ZDHHC20: variants seen among roughly 807,000 people sequenced by gnomAD.
ZDHHC20 encodes the protein zDHHC palmitoyltransferase 20, also known as palmitoyltransferase ZDHHC20.
A neutral mutation model predicts 57.8 loss-of-function variants in ZDHHC20; 43 were observed. The observed-to-expected ratio is 0.74, with a 90% CI of 0.58 to 0.96. ZDHHC20 has a LOEUF of 0.96. Ranked by LOEUF, ZDHHC20 falls within the 40% of genes least tolerant of loss-of-function variation. The probability of loss-of-function intolerance (pLI) is 0.00; values close to 1 mark genes in which losing one functional copy is unlikely to be tolerated. For missense variants in ZDHHC20, 391 were observed against 441.1 expected, an observed-to-expected ratio of 0.89 and a Z score of 1.02; for synonymous variants, 157 against 153.0, an observed-to-expected ratio of 1.03 and a Z score of -0.19.
At chr13:21,402,974 A>G (rs1214577715) in intron 4 of ZDHHC20, 108 bp from the exon 5 acceptor site, 5 of 780,016 alleles carry the variant, frequency 6.4e-6, no homozygotes, top group African/African-American at 1.7e-5. Context: ...TTGATAACTA[A>G]TAATTTTAAA....
intron 7 of ZDHHC20, among the ~76,000 whole-genome samples, chr13:21,394,126 CCA>C (rs1287780425): frequency 2.6e-5 from 4 of 152,150 alleles, no homozygotes; most frequent in Non-Finnish European, 4.4e-5. Flanking sequence ...CTAGTAAAAG[CCA>C]CAGTCATTTC....
chr13:21,422,442 T>C (rs936750130), intron 2 of ZDHHC20, among the ~76,000 whole-genome samples: 6 of 152,172 alleles, frequency 3.9e-5, no homozygotes, highest in African/African-American at 7.2e-5. Context: ...GACAACCCTG[T>C]TGCAACCCAA....
chr13:21,449,947 A>G (rs1480794907), intron 1 of ZDHHC20, among the ~76,000 whole-genome samples: 1 of 152,100 alleles, frequency 6.6e-6, no homozygotes, highest in Non-Finnish European at 1.5e-5. Context: ...AAATTATTAT[A>G]GTCATGTTTT....
rs560537938 is a variant in ZDHHC20, at chr13:21,435,216, A to G, written c.119-9538T>C. Among the ~76,000 whole-genome samples, 194 of 151,888 alleles carry G rather than the reference A, an allele frequency of 1.3e-3. 4 individuals carry two copies. The South Asian group carries it at 0.038, about 30-fold the overall frequency. ...TTTCATTTTTTTTTTCCTGTGAAAC[A>G]TCTGCTTACTTTTTTGTTTGTTTGT... On this transcript the variant is annotated intron_variant, in intron 1 of 12. Coordinates refer to ENST00000400590, the MANE Select transcript of ZDHHC20 (RefSeq NM_001330059.2).
intron 4 of ZDHHC20, among the ~76,000 whole-genome samples, chr13:21,410,025 T>C (rs1016374092): frequency 2.0e-5 from 3 of 152,244 alleles, no homozygotes; most frequent in African/African-American, 7.2e-5. Flanking sequence ...TGGATTTATC[T>C]ACCTTTGGTC....
At chr13:21,439,439 G>A (rs1036924734) in intron 1 of ZDHHC20, among the ~76,000 whole-genome samples, 12 of 152,084 alleles carry the variant, frequency 7.9e-5, no homozygotes, top group South Asian at 2.1e-4. Flanking sequence ...GGTCTAGGCT[G>A]CAGTGAGCCA....
intron 9 of ZDHHC20, among the ~76,000 whole-genome samples, chr13:21,383,943 G>A (rs1022012327): frequency 1.3e-5 from 2 of 151,866 alleles, no homozygotes; most frequent in Non-Finnish European, 2.9e-5. Flanking sequence ...TGGAATAACT[G>A]GTAAACTGTA....
intron 3 of ZDHHC20, among the ~76,000 whole-genome samples, chr13:21,416,203 C>CAAA (rs55796229): frequency 3.3e-4 from 24 of 71,708 alleles, no homozygotes; most frequent in African/African-American, 9.2e-4. Flanking sequence ...GACTCCATCT[C>CAAA]AAAAAAAAAA....
chr13:21,385,811 C>A (rs1593179146), intron 9 of ZDHHC20, among the ~76,000 whole-genome samples: 1 of 152,048 alleles, frequency 6.6e-6, no homozygotes, highest in Non-Finnish European at 1.5e-5. Context: ...CCTCATCAAA[C>A]CACTTAAAAT....
rs533257265 is a variant in ZDHHC20, at chr13:21,404,670, C to T, written c.371-1804G>A. On this transcript the variant is annotated intron_variant, in intron 4 of 12. Transcript: ENST00000400590. ...TCGGGAGGCTGAGGCAGGAGAATGG[C>T]GTGAACGCAGGAGGCGGAGCTTGCA... Among the ~76,000 whole-genome samples, 1,162 of 151,270 alleles carry T rather than the reference C, an allele frequency of 7.7e-3. 9 individuals are homozygous for T. Among genetic ancestry groups the T allele is most frequent in the Non-Finnish European group, 0.011 (772 of 67,944 alleles).
At chr13:21,404,949 T>C (rs1878242338) in intron 4 of ZDHHC20, among the ~76,000 whole-genome samples, 3 of 152,222 alleles carry the variant, frequency 2.0e-5, no homozygotes, top group Non-Finnish European at 4.4e-5. Context: ...TAGAAAGCTC[T>C]ATCCAGGTAA....
At chr13:21,428,774 C>A (rs1256620706) in intron 1 of ZDHHC20, among the ~76,000 whole-genome samples, 1 of 151,930 alleles carries the variant, frequency 6.6e-6, no homozygotes, top group African/African-American at 2.4e-5. Context: ...GCAGGAGAAT[C>A]GCCTGAACCT....
At chr13:21,394,957 C>G (rs1469222844) in intron 7 of ZDHHC20, among the ~76,000 whole-genome samples, 4 of 152,118 alleles carry the variant, frequency 2.6e-5, no homozygotes, top group African/African-American at 9.7e-5. Flanking sequence ...TAGGTATCTC[C>G]TACTTTAATT....
Position 21,373,470 on chromosome 13 carries a change from T to C in ZDHHC20, c.*3226A>G, listed in dbSNP as rs572183829. 1 of 152,208 alleles carries C rather than the reference T, an allele frequency of 6.6e-6. No homozygotes were observed. Among genetic ancestry groups the C allele is most frequent in the Admixed American group, 6.5e-5 (1 of 15,286 alleles). 9.4% of individuals were successfully genotyped at this position (152,208 alleles called of 1,614,324 possible). ...ATAACCACTAATATGTAAAAAGTTTTAAAAAAATCATCCTTACGTATAGAT... is the reference window on the plus strand; with the variant it reads ...ATAACCACTAATATGTAAAAAGTTTCAAAAAAATCATCCTTACGTATAGAT... On this transcript the variant is annotated 3_prime_UTR_variant, in exon 13 of 13. Transcript: ENST00000400590.
chr13:21,438,151 A>G (rs1882747919), intron 1 of ZDHHC20, among the ~76,000 whole-genome samples: 1 of 152,218 alleles, frequency 6.6e-6, no homozygotes, highest in Admixed American at 6.5e-5. Context: ...TAACACATCT[A>G]TTCTGCAGCC....
intron 7 of ZDHHC20, among the ~76,000 whole-genome samples, chr13:21,393,699 CAAAAAAAAAA>C (rs71093307): frequency 3.3e-4 from 21 of 63,412 alleles, no homozygotes; most frequent in African/African-American, 1.5e-3. Context: ...GCAAGTCTCA[CAAAAAAAAAA>C]AAAAAAAAAA....
intron 1 of ZDHHC20, among the ~76,000 whole-genome samples, chr13:21,456,252 C>CA (rs1433567835): frequency 2.6e-5 from 4 of 151,594 alleles, no homozygotes; most frequent in Non-Finnish European, 5.9e-5. Context: ...ACTAAAAATA[C>CA]AAAAAAAATT....
At chr13:21,441,391 C>CTTTTTTTTTTTTTTTT in intron 1 of ZDHHC20, among the ~76,000 whole-genome samples, 1 of 143,680 alleles carries the variant, frequency 7.0e-6, no homozygotes, top group Non-Finnish European at 1.5e-5. Context: ...TCTTTTCTCT[C>CTTTTTTTTTTTTTTTT]TTTTTTTTTT....
At position 21,393,383 on chromosome 13, in the gene ZDHHC20, C is replaced by T. The variant is rs190747566; in HGVS notation, c.595-1529G>A. On this transcript the variant is annotated intron_variant, in intron 7 of 12. Transcript: ENST00000400590. ...GGGCATGGTGGTACACGCCTGTAAT[C>T]CCAGCTACTTGGGAGGCTGAGGCAG... 5.7e-3 allele frequency among the ~76,000 whole-genome samples: 857 copies of T among 151,078 alleles called. 4 individuals are homozygous for T. The highest frequency in any genetic ancestry group is 0.019 in the African/African-American group (774 of 41,066).
Sources: allele counts gnomAD v4.1 joint callset (sites outside exome capture counted in the v4.1 genomes callset), GRCh38; gene constraint gnomAD v4.1.1; transcripts MANE v1.5; gene names NCBI Gene and HGNC (gene_info 2026-07-23, HGNC 2026-07-21).